WDR70: variants seen among roughly 807,000 people sequenced by gnomAD.
WDR70 encodes the protein WD repeat domain 70, also known as WD repeat-containing protein 70.
A neutral mutation model predicts 88.6 loss-of-function variants in WDR70; 53 were observed. The ratio of observed to expected loss-of-function variants is 0.60; its 90% CI spans 0.48 to 0.75. The LOEUF is 0.75. Among genes scored for constraint, WDR70 ranks in the 30% least tolerant of loss-of-function variants. The pLI is 0.00. For synonymous variants in WDR70, 280 were observed against 270.0 expected (o/e 1.04, Z -0.36); for missense variants, 610 against 823.2 (o/e 0.74, Z 3.17).
chr5:37,599,833 C>T (rs1437268113), intron 9 of WDR70, among the ~76,000 whole-genome samples: 1 of 151,370 alleles, frequency 6.6e-6, no homozygotes, highest in Non-Finnish European at 1.5e-5. Flanking sequence ...GCAGAGTTTG[C>T]AGTGAGCCGA....
intron 13 of WDR70, among the ~76,000 whole-genome samples, chr5:37,712,359 GATGATCC>G (rs1747538851): frequency 6.6e-6 from 1 of 152,170 alleles, no homozygotes; most frequent in Admixed American, 6.5e-5. Flanking sequence ...TAAAACTTTA[GATGATCC>G]TTTTTTCAGA....
chr5:37,599,679 G>A (rs1743805465), intron 9 of WDR70, among the ~76,000 whole-genome samples: 1 of 152,072 alleles, frequency 6.6e-6, no homozygotes, highest in Non-Finnish European at 1.5e-5. Flanking sequence ...ATCACCTGAG[G>A]TCAGGAGTTT....
At chr5:37,680,026 A>T (rs768969297) in intron 10 of WDR70, among the ~76,000 whole-genome samples, 31 of 152,106 alleles carry the variant, frequency 2.0e-4, no homozygotes, top group Non-Finnish European at 4.0e-4. Context: ...ATGTAAAAGC[A>T]TTTCTTTTTC....
chr5:37,700,337 A>G (rs1347182991), intron 11 of WDR70: 1 of 152,288 alleles, frequency 6.6e-6, no homozygotes, highest in Non-Finnish European at 1.5e-5. Flanking sequence ...TAAGATACAT[A>G]TGGAATACTT....
chr5:37,748,813 C>A (rs1406539928), intron 17 of WDR70, among the ~76,000 whole-genome samples: 1 of 152,308 alleles, frequency 6.6e-6, no homozygotes, highest in Admixed American at 6.5e-5. Flanking sequence ...TGAACAGACA[C>A]TTCTAAAAAG....
At chr5:37,487,627 A>ATTTTTTTTTTTTTTTTTTTT (rs70978825) in intron 8 of WDR70, among the ~76,000 whole-genome samples, 1 of 69,070 alleles carries the variant, frequency 1.4e-5, no homozygotes, top group African/African-American at 5.0e-5. Flanking sequence ...ATATATATGT[A>ATTTTTTTTTTTTTTTTTTTT]TTTTTTTTTT....
intron 3 of WDR70, among the ~76,000 whole-genome samples, chr5:37,382,247 T>C (rs1748450400): frequency 6.7e-6 from 1 of 150,190 alleles, no homozygotes; most frequent in African/African-American, 2.5e-5. Flanking sequence ...TATAGGCACA[T>C]GCCACCACGC....
At chr5:37,727,197 GGCATTTGTATGTA>G in intron 17 of WDR70, 152 bp downstream of exon 17, 1 of 947,766 alleles carries the variant, frequency 1.1e-6, no homozygotes, top group Non-Finnish European at 1.5e-6. Context: ...TTTAAACCTA[GGCATTTGTATGTA>G]TCATAAGACT....
chr5:37,531,852 C>A (rs1741499750), intron 9 of WDR70, among the ~76,000 whole-genome samples: 1 of 151,460 alleles, frequency 6.6e-6, no homozygotes. Flanking sequence ...TTATACAGGT[C>A]CTGTGAGATT....
intron 10 of WDR70, among the ~76,000 whole-genome samples, chr5:37,627,348 A>T (rs560289232): frequency 1.3e-5 from 2 of 152,266 alleles, no homozygotes; most frequent in South Asian, 4.1e-4. Context: ...GGCTCAAATG[A>T]TCCTCCAACC....
chr5:37,525,383 G>A (rs1241278367), intron 9 of WDR70, among the ~76,000 whole-genome samples: 2 of 152,088 alleles, frequency 1.3e-5, no homozygotes, highest in Non-Finnish European at 2.9e-5. Flanking sequence ...ATGACTTCTG[G>A]GTACATAACG....
chr5:37,425,294 A>C lies in WDR70; in HGVS notation c.493-12628A>C, dbSNP rs192748445. Among the ~76,000 whole-genome samples the C allele has an allele frequency of 2.3e-3, 351 of 152,348 alleles. 2 individuals carry two copies. Among genetic ancestry groups the C allele is most frequent in the African/African-American group, 8.2e-3 (340 of 41,572 alleles). On this transcript the variant is annotated intron_variant, in intron 5 of 17. Transcript: ENST00000265107. ...ATAAATATAAACAATAGAAAGCTGT[A>C]AGTGCTATAGGGAAAGGGAACATGT...
chr5:37,469,444 G>T (rs1319060676), intron 7 of WDR70, among the ~76,000 whole-genome samples: 1 of 152,148 alleles, frequency 6.6e-6, no homozygotes, highest in Admixed American at 6.6e-5. Flanking sequence ...ACTTTACTAG[G>T]GAATTAGCAA....
intron 9 of WDR70, among the ~76,000 whole-genome samples, chr5:37,526,746 C>T (rs991863899): frequency 3.0e-4 from 45 of 152,152 alleles, no homozygotes; most frequent in African/African-American, 1.0e-3. Flanking sequence ...ATCGTCTCAG[C>T]CCCAAATCTC....
intron 9 of WDR70, among the ~76,000 whole-genome samples, chr5:37,528,945 T>C (rs137994237): frequency 0.021 from 2,758 of 131,336 alleles, 38 homozygotes; most frequent in Non-Finnish European, 0.036. Flanking sequence ...GTAGAATCTT[T>C]ATGGTTTCAG....
At chr5:37,385,278 G>C (rs180714628) in intron 3 of WDR70, among the ~76,000 whole-genome samples, 184 of 152,036 alleles carry the variant, frequency 1.2e-3, no homozygotes, top group East Asian at 2.7e-3. Context: ...CCAGCACTTT[G>C]GGGGACCAAG....
chr5:37,669,400 TAA>T lies in WDR70; in HGVS notation c.1093-28243_1093-28242del, dbSNP rs68145326. On this transcript the variant is annotated intron_variant, in intron 10 of 17. Coordinates refer to ENST00000265107, the MANE Select transcript of WDR70 (RefSeq NM_018034.4). ...ACCTGGAACATAATTATCTTTTTTT[TAA>T]AAAAAAAAAAACATTTTGTTTTCTT... Among the ~76,000 whole-genome samples, 112 of 149,174 alleles carry T rather than the reference TAA, an allele frequency of 7.5e-4. 1 individual carries two copies. The highest frequency in any genetic ancestry group is 1.9e-3 in the South Asian group (9 of 4,716).
At chr5:37,660,136 A>G (rs934943301) in intron 10 of WDR70, among the ~76,000 whole-genome samples, 1 of 152,146 alleles carries the variant, frequency 6.6e-6, no homozygotes, top group South Asian at 2.1e-4. Flanking sequence ...ATCAATTGCT[A>G]ATTGAGTTCT....
chr5:37,732,812 C>T (rs1200017910), intron 17 of WDR70, among the ~76,000 whole-genome samples: 1 of 151,884 alleles, frequency 6.6e-6, no homozygotes, highest in Non-Finnish European at 1.5e-5. Flanking sequence ...TTGTTTATGG[C>T]GTTTTTCTCA....
Sources: gnomAD v4.1 joint callset for allele counts (sites outside exome capture counted in the v4.1 genomes callset) on GRCh38, gnomAD v4.1.1 for gene constraint, MANE v1.5 for transcripts, NCBI Gene and HGNC (gene_info 2026-07-23, HGNC 2026-07-21) for gene names.